P3H3: variants seen among roughly 807,000 people sequenced by gnomAD.
The protein encoded by P3H3 is gene rich cluster, B.
In P3H3, 64 loss-of-function variants were observed where a neutral mutation model predicts 78.1. The ratio of observed to expected loss-of-function variants is 0.82; its 90% CI spans 0.67 to 1.01. The LOEUF is 1.01. Among genes scored for constraint, P3H3 ranks in the 50% least tolerant of loss-of-function variants. The pLI is 0.00. For missense variants in P3H3, 975 were observed against 982.2 expected, an observed-to-expected ratio of 0.99 and a Z score of 0.10; for synonymous variants, 425 against 416.7, an observed-to-expected ratio of 1.02 and a Z score of -0.24.
chr12:6,832,595 TTTTTTATTTTTA>T (rs1215029651), intron 6 of P3H3, among the ~76,000 whole-genome samples: 3 of 151,998 alleles, frequency 2.0e-5, no homozygotes, highest in African/African-American at 7.2e-5. Context: ...GAAGCTAGTT[TTTTTTATTTTTA>T]TTTTTATTTT....
Position 6,829,689 on chromosome 12 carries a change from CTCTAGGGGATCTGCAGT to C in P3H3, c.499-167_499-151del. On this transcript the variant is annotated intron_variant, in intron 1 of 14. Transcript: ENST00000290510. The surrounding 1 kb of genome is among the most constrained non-coding windows in gnomAD (Gnocchi z 5.1). ...CTTCTGAGAGTCCCAACGTTCTGGC[CTCTAGGGGATCTGCAGT>C]TCGGGCGGTGGGCGGTTCTGATTGG... is the stretch of plus-strand genomic sequence containing the variant. 1.5e-6 allele frequency: 1 copy of C among 680,292 alleles called. No homozygotes were observed. The highest frequency in any genetic ancestry group is 2.5e-6 in the Non-Finnish European group (1 of 392,986). 42.1% of individuals were successfully genotyped at this position (680,292 alleles called of 1,614,324 possible). A position where few individuals can be genotyped will look rare whatever the true frequency, so the allele number is the denominator to read the frequency against.
chr12:6,837,766 A>G lies in P3H3; in HGVS notation c.1746A>G (p.Pro582=). The G allele has an allele frequency of 1.2e-6, 2 of 1,613,288 alleles. No homozygotes were observed. Among genetic ancestry groups the G allele is most frequent in the Non-Finnish European group, 1.7e-6 (2 of 1,179,628 alleles). The stretch of plus-strand genomic sequence containing the variant: ...AGCAGCGCATGGACCTGAGTCACCC[A>G]GTGCACGCAGACAACTGCGTCCTGG... ...EQEQRMDLSH[P]VHADNCVLDP... is the part of the protein sequence containing the mutation. The change falls in exon 12 of 15, where the codon CCA becomes CCG. Residue 582 remains proline (P), a synonymous_variant. Transcript: ENST00000290510.
chr12:6,837,025 G>A lies in P3H3; in HGVS notation c.1499G>A (p.Arg500His), dbSNP rs376984877. The A allele has an allele frequency of 2.1e-5, 34 of 1,609,336 alleles. No homozygotes were observed. Among genetic ancestry groups the A allele is most frequent in the South Asian group, 1.4e-4 (13 of 91,088 alleles). The change falls in exon 10 of 15, where the codon CGC becomes CAC. Residue 500 changes from arginine to histidine, a missense_variant. Physicochemically the swap from Arg to His is conservative, Grantham distance 29 (BLOSUM62 0). Coordinates refer to ENST00000290510, the MANE Select transcript of P3H3 (RefSeq NM_014262.5). The part of the protein sequence containing the change: ...GAGARSGYRG[R>H]RSPHTPHERF... ...GGAGCCAGGTCTGGCTATCGTGGTC[G>A]CCGCTCCCCTCACACCCCCCATGAA...
chr12:6,831,768 C>T lies in P3H3; in HGVS notation c.1123-57C>T. On this transcript the variant is annotated intron_variant, in intron 5 of 14. Coordinates refer to ENST00000290510, the MANE Select transcript of P3H3 (RefSeq NM_014262.5). This position sits in a 1 kb window ranked among gnomAD's most constrained non-coding sequence, Gnocchi z 4.6. ...GGAGCACCCAGGCAGTGCCCTAGAG[C>T]CGGCGCTTCCCTGCCTTCCTCCAGC... The T allele has an allele frequency of 9.2e-7, 1 of 1,089,276 alleles. No individual in the cohort carries two copies. The highest frequency in any genetic ancestry group is 1.4e-6 in the Non-Finnish European group (1 of 721,964). The allele number at this position is 1,089,276 out of a possible 1,614,324, so 67.5% of individuals were successfully genotyped here. A position where few individuals can be genotyped will look rare whatever the true frequency, so the allele number is the denominator to read the frequency against.
chr12:6,834,410 G>A (rs1300818408), intron 9 of P3H3, among the ~76,000 whole-genome samples: 2 of 152,126 alleles, frequency 1.3e-5, no homozygotes, highest in African/African-American at 4.8e-5. Flanking sequence ...AGTTTAGGTT[G>A]AATGACTCAT....
chr12:6,829,362 G>T lies in P3H3; in HGVS notation c.498+424G>T. On this transcript the variant is annotated intron_variant, in intron 1 of 14. Transcript: ENST00000290510. The surrounding 1 kb of genome is among the most constrained non-coding windows in gnomAD (Gnocchi z 5.1). ...TAGCTTCGGAAAGGAAGGAGCAGAC[G>T]GAGGCAAGGTTGGGGTCCTCCGAGG... The T allele has an allele frequency of 4.6e-6, 1 of 219,506 alleles. No homozygotes were observed. The highest frequency in any genetic ancestry group is 8.9e-6 in the Non-Finnish European group (1 of 112,880). 13.6% of individuals were successfully genotyped at this position (219,506 alleles called of 1,614,324 possible).
Position 6,829,968 on chromosome 12 carries a change from T to A in P3H3, c.608T>A (p.Val203Asp). The change falls in exon 2 of 15, where the codon GTT (valine) becomes GAT (aspartate). Residue 203 changes from valine (V) to aspartate (D), a missense_variant. Physicochemically the swap from Val to Asp is radical, Grantham distance 152 (BLOSUM62 -3). Coordinates refer to ENST00000290510, the MANE Select transcript of P3H3 (RefSeq NM_014262.5). This position sits in a 1 kb window ranked among gnomAD's most constrained non-coding sequence, Gnocchi z 5.1. ...GCTAAGTACAGACGAATGTCGGGAG[T>A]TCGGCCCCAGAGCTTCCGGGACCTG... ...DMAKYRRMSG[V>D]RPQSFRDLET... 1 of 1,613,880 alleles carries A rather than the reference T, an allele frequency of 6.2e-7. No homozygotes were observed. The highest frequency in any genetic ancestry group is 8.5e-7 in the Non-Finnish European group (1 of 1,179,842).
chr12:6,828,604 C>G lies in P3H3; in HGVS notation c.164C>G (p.Pro55Arg). ...LRAYAAGAWA[P>R]AVALLREALR... Reference sequence around the variant, plus strand: ...GCCTACGCGGCCGGGGCTTGGGCGCCGGCCGTGGCGCTGCTGCGGGAGGCG... The same window carrying G: ...GCCTACGCGGCCGGGGCTTGGGCGCGGGCCGTGGCGCTGCTGCGGGAGGCG... The change falls in exon 1 of 15, where the codon CCG becomes CGG. Residue 55 changes from proline (P) to arginine (R), a missense_variant. Coordinates refer to ENST00000290510, the MANE Select transcript of P3H3 (RefSeq NM_014262.5). 8.2e-7 allele frequency: 1 copy of G among 1,219,330 alleles called. No individual in the cohort carries two copies. Among genetic ancestry groups the G allele is most frequent in the South Asian group, 4.1e-5 (1 of 24,294 alleles). 75.5% of individuals were successfully genotyped at this position (1,219,330 alleles called of 1,614,324 possible). A position where few individuals can be genotyped will look rare whatever the true frequency, so the allele number is the denominator to read the frequency against.
intron 9 of P3H3, chr12:6,834,943 A>G (rs1555121894): frequency 1.3e-5 from 2 of 152,124 alleles, no homozygotes; most frequent in African/African-American, 4.8e-5. Flanking sequence ...CATCTCAAAA[A>G]AAAAAAAAAA....
Position 6,837,746 on chromosome 12 carries a change from C to A in P3H3, c.1726C>A (p.Arg576Ser). 6.2e-7 allele frequency: 1 copy of A among 1,612,314 alleles called. No individual in the cohort carries two copies. The highest frequency in any genetic ancestry group is 8.5e-7 in the Non-Finnish European group (1 of 1,179,190). ...RSAIEGEQEQ[R>S]MDLSHPVHAD... ...TTGTGTCCTAGGAGAGCAAGAGCAG[C>A]GCATGGACCTGAGTCACCCAGTGCA... Residue 576 changes from arginine (R) to serine (S), a missense_variant, in exon 12 of 15, where the codon CGC becomes AGC. Transcript: ENST00000290510.
At position 6,839,417 on chromosome 12, in the gene P3H3, C is replaced by A. The variant is rs190843685; in HGVS notation, c.2167C>A (p.Gln723Lys). Reference protein sequence around the residue: ...EPPSRRHQRVQDKTGRAPRVR... With the variant: ...EPPSRRHQRVKDKTGRAPRVR... ...CCCTAGCCGCAGGCACCAGAGGGTCCAAGACAAGACTGGAAGGGCACCTCG... is the reference window on the plus strand; with the variant it reads ...CCCTAGCCGCAGGCACCAGAGGGTCAAAGACAAGACTGGAAGGGCACCTCG... The change falls in exon 15 of 15, where the codon CAA becomes AAA. Residue 723 changes from glutamine (Q) to lysine (K), a missense_variant. By Grantham distance (53) the Gln-to-Lys change is moderately conservative. Transcript: ENST00000290510. 30 of 1,551,960 alleles carry A rather than the reference C, an allele frequency of 1.9e-5. No homozygotes were observed. The East Asian group carries it at 3.4e-4, about 18-fold the overall frequency.
chr12:6,836,482 G>A (rs1031001170), intron 9 of P3H3, among the ~76,000 whole-genome samples: 3 of 152,112 alleles, frequency 2.0e-5, no homozygotes, highest in African/African-American at 4.8e-5. Flanking sequence ...GGGGAGCCAC[G>A]GAGTCCACAG....
intron 9 of P3H3, chr12:6,834,691 T>A (rs1943478643): frequency 6.6e-6 from 1 of 152,450 alleles, no homozygotes; most frequent in Non-Finnish European, 1.5e-5. Flanking sequence ...ATCCCAGCAA[T>A]TTGGGAGGCC....
Position 6,829,893 on chromosome 12 carries a change from A to G in P3H3, c.533A>G (p.His178Arg). The change falls in exon 2 of 15, where the codon CAC becomes CGC. Residue 178 changes from histidine to arginine, a missense_variant. Transcript: ENST00000290510. The surrounding 1 kb of genome is among the most constrained non-coding windows in gnomAD (Gnocchi z 5.1). ...CTGGATCTGGCAGCTGCGGCAGCAC[A>G]CACCTTCTTTGTAGCAAACCCCATG... ...KKLDLAAAAA[H>R]TFFVANPMHL... 1 of 1,613,992 alleles carries G rather than the reference A, an allele frequency of 6.2e-7. No homozygotes were observed. The highest frequency in any genetic ancestry group is 8.5e-7 in the Non-Finnish European group (1 of 1,179,876).
intron 6 of P3H3, 89 bp downstream of exon 6, chr12:6,832,003 A>G (rs1555121538): frequency 1.3e-6 from 1 of 752,592 alleles, no homozygotes; most frequent in African/African-American, 1.8e-5. Flanking sequence ...CCATTTTTCC[A>G]CCATGAGGCT....
At chr12:6,837,924 G>T (rs782364595) in intron 12 of P3H3, 34 bp from the exon 13 acceptor site, 2 of 1,593,720 alleles carry the variant, frequency 1.3e-6, no homozygotes, top group South Asian at 2.3e-5. Context: ...CCTGGGTTGG[G>T]GTCTCACTGC....
intron 9 of P3H3, 141 bp downstream of exon 9, chr12:6,834,190 G>A: frequency 7.7e-7 from 1 of 1,304,656 alleles, no homozygotes; most frequent in Non-Finnish European, 1.0e-6. Context: ...TCTCAGCTGT[G>A]GATAAGTTCC....
intron 13 of P3H3, 70 bp downstream of exon 13, chr12:6,838,103 G>A: frequency 2.6e-6 from 4 of 1,546,918 alleles, no homozygotes; most frequent in South Asian, 1.2e-5. Flanking sequence ...AAAACAGAAG[G>A]CTCCAGAGGC....
chr12:6,834,249 T>A (rs1943475874), intron 9 of P3H3, among the ~76,000 whole-genome samples, 200 bp downstream of exon 9: 1 of 152,184 alleles, frequency 6.6e-6, no homozygotes, highest in African/African-American at 2.4e-5. Context: ...TACAAATGAA[T>A]TTTGCTAGAA....
Sources: allele counts gnomAD v4.1 joint callset (sites outside exome capture counted in the v4.1 genomes callset), GRCh38; gene constraint gnomAD v4.1.1; non-coding constraint Gnocchi (gnomAD v3.1); transcripts MANE v1.5; gene names NCBI Gene and HGNC (gene_info 2026-07-23, HGNC 2026-07-21).